SCFD2: variants seen among roughly 807,000 people sequenced by gnomAD.
SCFD2 encodes the protein sec1 family domain containing 2.
In SCFD2, 54 loss-of-function variants were observed where a neutral mutation model predicts 58.9. That is an observed-to-expected ratio of 0.92 (90% CI 0.74 to 1.15). SCFD2 has a LOEUF of 1.15. Among genes scored for constraint, SCFD2 ranks in the 50% most tolerant of loss-of-function variants. The pLI, the probability that SCFD2 is intolerant of heterozygous loss-of-function variation, is 0.00. For missense variants in SCFD2, 805 were observed against 836.6 expected, an observed-to-expected ratio of 0.96 and a Z score of 0.47; for synonymous variants, 321 against 335.9, an observed-to-expected ratio of 0.96 and a Z score of 0.49.
At chr4:53,153,294 G>A (rs1399477427) in intron 4 of SCFD2, among the ~76,000 whole-genome samples, 1 of 152,150 alleles carries the variant, frequency 6.6e-6, no homozygotes, top group East Asian at 1.9e-4. Flanking sequence ...GAAATCTAGG[G>A]GGAAGCTGCC....
intron 5 of SCFD2, among the ~76,000 whole-genome samples, chr4:53,099,333 C>T (rs1206875985): frequency 6.6e-6 from 1 of 152,146 alleles, no homozygotes; most frequent in East Asian, 1.9e-4. Context: ...CATTACATTC[C>T]TTTTAACTTG....
In SCFD2 at chr4:53,365,759, G is replaced by C. The variant is rs968556860; in HGVS notation, c.183C>G (p.Pro61=). 1.2e-6 allele frequency: 2 copies of C among 1,613,772 alleles called. No homozygotes were observed. Among genetic ancestry groups the C allele is most frequent in the Non-Finnish European group, 1.7e-6 (2 of 1,179,858 alleles). ...GPDCHLREFE[P]DAIGGGAKQP... is the part of the protein sequence containing the mutation. The stretch of plus-strand genomic sequence containing the variant: ...GCTTGGCTCCACCACCAATTGCGTC[G>C]GGCTCGAACTCTCGCAGGTGACAGT... Residue 61 remains proline (P), a synonymous_variant, in exon 1 of 9, where the codon CCC becomes CCG. Transcript: ENST00000401642. This position sits in a 1 kb window ranked among gnomAD's most constrained non-coding sequence, Gnocchi z 4.3.
chr4:53,305,178 T>C (rs1732474317), intron 3 of SCFD2, among the ~76,000 whole-genome samples: 1 of 152,176 alleles, frequency 6.6e-6, no homozygotes, highest in Admixed American at 6.5e-5. Flanking sequence ...TATATACATA[T>C]GTATTTTTTA....
At chr4:53,334,416 T>C (rs1232619949) in intron 2 of SCFD2, among the ~76,000 whole-genome samples, 38 of 151,968 alleles carry the variant, frequency 2.5e-4, no homozygotes, top group East Asian at 2.1e-3. Context: ...GAATACTATG[T>C]AGCCATAAAA....
chr4:52,937,348 C>G (rs138639716), intron 5 of SCFD2, among the ~76,000 whole-genome samples: 9 of 152,054 alleles, frequency 5.9e-5, no homozygotes, highest in African/African-American at 1.9e-4. Context: ...GAATCACAGA[C>G]GAAGGAGCAA....
chr4:53,278,730 T>C (rs1731412180), intron 3 of SCFD2, among the ~76,000 whole-genome samples: 1 of 152,176 alleles, frequency 6.6e-6, no homozygotes, highest in African/African-American at 2.4e-5. Flanking sequence ...TCACCTTCTC[T>C]ACTCTGTTCT....
Position 53,277,946 on chromosome 4 carries a change from G to A in SCFD2, c.1136-3945C>T, listed in dbSNP as rs555537748. Among the ~76,000 whole-genome samples, 4 of 151,768 alleles carry A rather than the reference G, an allele frequency of 2.6e-5. No homozygotes were observed. The East Asian group carries it at 5.9e-4, about 22-fold the overall frequency. On this transcript the variant is annotated intron_variant, in intron 3 of 8. Coordinates refer to ENST00000401642, the MANE Select transcript of SCFD2 (RefSeq NM_152540.4). ...TGGGCGCCTGTAGTCCCAGCTACTC[G>A]GGAGGCTGAGGCAGGAGAATGGCGT...
intron 5 of SCFD2, among the ~76,000 whole-genome samples, chr4:52,938,135 A>C (rs1720190855): frequency 6.6e-6 from 1 of 152,194 alleles, no homozygotes; most frequent in Non-Finnish European, 1.5e-5. Flanking sequence ...AATAGTTAAC[A>C]TTTATTGAGC....
chr4:53,362,551 G>A (rs1186055304), intron 1 of SCFD2, among the ~76,000 whole-genome samples: 3 of 152,098 alleles, frequency 2.0e-5, no homozygotes, highest in Non-Finnish European at 4.4e-5. Context: ...GAATTAGTGT[G>A]GTAATAAAAC....
chr4:53,161,579 CG>C (rs2148927515), intron 4 of SCFD2, among the ~76,000 whole-genome samples: 1 of 152,180 alleles, frequency 6.6e-6, no homozygotes, highest in South Asian at 2.1e-4. Flanking sequence ...TTTTTTGTAA[CG>C]TTTTTTCCCA....
intron 4 of SCFD2, among the ~76,000 whole-genome samples, chr4:53,237,429 G>A (rs1257780921): frequency 6.1e-5 from 9 of 147,978 alleles, no homozygotes; most frequent in Admixed American, 2.0e-4. Flanking sequence ...GGGCAGAGGC[G>A]CCCCTCACTT....
intron 3 of SCFD2, among the ~76,000 whole-genome samples, chr4:53,308,581 G>A (rs1242888176): frequency 1.3e-5 from 2 of 151,862 alleles, no homozygotes; most frequent in Admixed American, 6.6e-5. Flanking sequence ...AATTTTTCCC[G>A]TGAAGGCAAA....
At chr4:53,130,380 C>T (rs1725753106) in intron 5 of SCFD2, among the ~76,000 whole-genome samples, 1 of 152,192 alleles carries the variant, frequency 6.6e-6, no homozygotes, top group African/African-American at 2.4e-5. Context: ...TGAGAGAAGA[C>T]AAGATACCTC....
In SCFD2 at chr4:52,873,837, C is replaced by T; in HGVS notation, c.*132G>A. 1 of 644,906 alleles carries T rather than the reference C, an allele frequency of 1.6e-6. No individual in the cohort carries two copies. Among genetic ancestry groups the T allele is most frequent in the Non-Finnish European group, 2.8e-6 (1 of 353,132 alleles). 39.9% of individuals were successfully genotyped at this position (644,906 alleles called of 1,614,324 possible). Reference sequence around the variant, plus strand: ...GTACCTCACTGAGTAGGTATCAAGACCCTTCAGGCAGAATTCCATCATTCT... The same window carrying T: ...GTACCTCACTGAGTAGGTATCAAGATCCTTCAGGCAGAATTCCATCATTCT... On this transcript the variant is annotated 3_prime_UTR_variant, in exon 9 of 9. Coordinates refer to ENST00000401642, the MANE Select transcript of SCFD2 (RefSeq NM_152540.4).
At chr4:53,033,625 G>A (rs987981194) in intron 5 of SCFD2, among the ~76,000 whole-genome samples, 1 of 152,086 alleles carries the variant, frequency 6.6e-6, no homozygotes, top group South Asian at 2.1e-4. Context: ...AATAAAAAAA[G>A]ATATAGGGGA....
chr4:53,352,618 TGG>T lies in SCFD2; in HGVS notation c.985_986del (p.Pro329ArgfsTer8), dbSNP rs1734258305. 6.2e-7 allele frequency: 1 copy of T among 1,613,274 alleles called. No homozygotes were observed. Among genetic ancestry groups the T allele is most frequent in the South Asian group, 1.1e-5 (1 of 90,946 alleles). On this transcript the variant is annotated frameshift_variant, in exon 2 of 9. Transcript: ENST00000401642. LOFTEE classifies it high-confidence loss of function. ...CTTACCTGGATTGTGAAAGACAGCCTGGTGCAACCACATTATAATTTTCCTCC... is the reference window on the plus strand; with the variant it reads ...CTTACCTGGATTGTGAAAGACAGCCTTGCAACCACATTATAATTTTCCTCC... ...TEEENYNVVA[P>X]GCLSQSSDTT...
chr4:52,927,465 T>C (rs1719890136), intron 5 of SCFD2, among the ~76,000 whole-genome samples: 1 of 152,220 alleles, frequency 6.6e-6, no homozygotes, highest in Non-Finnish European at 1.5e-5. Flanking sequence ...CTTCTAGATT[T>C]TAAATTGTTT....
chr4:53,334,276 T>A (rs1426383767), intron 2 of SCFD2, among the ~76,000 whole-genome samples: 28 of 151,992 alleles, frequency 1.8e-4, no homozygotes, highest in Admixed American at 1.5e-3. Flanking sequence ...ACTATAAATC[T>A]TGCTGCTATA....
intron 4 of SCFD2, among the ~76,000 whole-genome samples, chr4:53,179,752 C>A (rs62325043): frequency 0.018 from 2,775 of 152,118 alleles, 88 homozygotes; most frequent in African/African-American, 0.063. Flanking sequence ...TATTCAGGAA[C>A]CCCATCTCAC....
Sources: allele counts gnomAD v4.1 joint callset (sites outside exome capture counted in the v4.1 genomes callset), GRCh38; gene constraint gnomAD v4.1.1; non-coding constraint Gnocchi (gnomAD v3.1); transcripts MANE v1.5; gene names NCBI Gene and HGNC (gene_info 2026-07-23, HGNC 2026-07-21).